Variants in RANBP2 observed in about 807,000 individuals in gnomAD.
The protein encoded by RANBP2 is E3 SUMO-protein ligase RanBP2.
A neutral mutation model predicts 303.6 loss-of-function variants in RANBP2; 57 were observed. That is an observed-to-expected ratio of 0.19 (90% CI 0.15 to 0.23). The LOEUF is 0.23. Ranked by LOEUF, RANBP2 falls within the 10% of genes least tolerant of loss-of-function variation. The probability of loss-of-function intolerance (pLI) is 1.00; values close to 1 mark genes in which losing one functional copy is unlikely to be tolerated. For missense variants in RANBP2, 3,138 were observed against 3,780.8 expected (o/e 0.83, Z 4.46); for synonymous variants, 1,167 against 1,301.5 (o/e 0.90, Z 2.23).
the RANBP2 span, among the ~76,000 whole-genome samples, chr2:109,248,402 A>AT: frequency 2.6e-5 from 4 of 151,924 alleles, no homozygotes; most frequent in Admixed American, 6.6e-5. Context: ...TATCGCTCTC[A>AT]TTTTTTTCCT....
chr2:109,613,782 C>A, the RANBP2 span: 1 of 1,223,370 alleles, frequency 8.2e-7, no homozygotes, highest in Non-Finnish European at 1.0e-6. Flanking sequence ...GGGGCCCCGG[C>A]GTCGGCGGGA....
the RANBP2 span, among the ~76,000 whole-genome samples, chr2:109,580,815 C>T: frequency 6.6e-6 from 1 of 152,244 alleles, no homozygotes; most frequent in East Asian, 1.9e-4. Context: ...ATGAGCCCTA[C>T]CATGTCCCAG....
the RANBP2 span, among the ~76,000 whole-genome samples, chr2:109,344,549 G>T: frequency 9.2e-5 from 14 of 152,200 alleles, no homozygotes; most frequent in Non-Finnish European, 2.9e-5. Flanking sequence ...AAGCTCATAA[G>T]CAGCAGGTGC....
At chr2:108,854,615 G>T in the RANBP2 span, among the ~76,000 whole-genome samples, 2 of 152,104 alleles carry the variant, frequency 1.3e-5, no homozygotes, top group South Asian at 4.1e-4. Context: ...CAGAGACTTA[G>T]TGGCTTAGCT....
chr2:109,570,781 G>C, the RANBP2 span, among the ~76,000 whole-genome samples: 2,842 of 152,212 alleles, frequency 0.019, 101 homozygotes, highest in African/African-American at 0.063. Context: ...CTTGGCCTCT[G>C]AAAGTGCTGG....
intron 1 of RANBP2, among the ~76,000 whole-genome samples, chr2:108,722,784 G>A (rs1418316037): frequency 1.3e-5 from 2 of 151,238 alleles, no homozygotes; most frequent in East Asian, 1.9e-4. Flanking sequence ...CCACCTACTC[G>A]GTAGGCTGAG....
At chr2:108,833,894 AT>A in the RANBP2 span, among the ~76,000 whole-genome samples, 812 of 79,204 alleles carry the variant, frequency 0.01, 16 homozygotes, top group African/African-American at 0.036. Context: ...CGCCCGGCTA[AT>A]TTTTTTTTTT....
the RANBP2 span, among the ~76,000 whole-genome samples, chr2:109,144,129 A>G: frequency 6.6e-6 from 1 of 152,268 alleles, no homozygotes; most frequent in African/African-American, 2.4e-5. Flanking sequence ...ACTGTGCAGC[A>G]TGGTGACCAT....
the RANBP2 span, among the ~76,000 whole-genome samples, chr2:109,031,257 C>T: frequency 6.6e-6 from 1 of 152,224 alleles, no homozygotes; most frequent in South Asian, 2.1e-4. Context: ...GCCTGTTCCT[C>T]ACAGATGGGG....
the RANBP2 span, among the ~76,000 whole-genome samples, chr2:109,276,312 G>A: frequency 6.6e-6 from 1 of 152,164 alleles, no homozygotes; most frequent in Non-Finnish European, 1.5e-5. Context: ...GATGGATATG[G>A]GATTTGTCCT....
chr2:109,460,173 C>A, the RANBP2 span, among the ~76,000 whole-genome samples: 1 of 152,158 alleles, frequency 6.6e-6, no homozygotes, highest in Non-Finnish European at 1.5e-5. Context: ...TGTGGAATAC[C>A]GTGATGGTGG....
the RANBP2 span, among the ~76,000 whole-genome samples, chr2:109,658,195 C>A: frequency 6.6e-6 from 1 of 151,908 alleles, no homozygotes; most frequent in Admixed American, 6.6e-5. Context: ...TGCCTGTAAT[C>A]CCAGCACTTT....
the RANBP2 span, among the ~76,000 whole-genome samples, chr2:108,959,388 C>G: frequency 0.024 from 3,663 of 152,346 alleles, 150 homozygotes; most frequent in African/African-American, 0.083. Context: ...TCCCCAGTGT[C>G]TGTAATGCAG....
At chr2:109,666,155 C>G in the RANBP2 span, among the ~76,000 whole-genome samples, 1 of 151,080 alleles carries the variant, frequency 6.6e-6, no homozygotes, top group South Asian at 2.1e-4. Context: ...AAAATTACTG[C>G]AAAATAAATA....
chr2:109,411,052 C>G, the RANBP2 span, among the ~76,000 whole-genome samples: 1 of 152,198 alleles, frequency 6.6e-6, no homozygotes, highest in African/African-American at 2.4e-5. Flanking sequence ...AAAGCAGCAT[C>G]AGAGAGGTGG....
intron 1 of RANBP2, among the ~76,000 whole-genome samples, chr2:108,725,598 A>G (rs1170849439): frequency 2.6e-5 from 4 of 152,104 alleles, no homozygotes; most frequent in Non-Finnish European, 5.9e-5. Flanking sequence ...CATCTCTACT[A>G]AAAATACAAA....
chr2:109,158,717 A>G, the RANBP2 span, among the ~76,000 whole-genome samples: 2 of 152,252 alleles, frequency 1.3e-5, no homozygotes, highest in African/African-American at 4.8e-5. Context: ...ATGCCACATC[A>G]TGGATGAATG....
the RANBP2 span, among the ~76,000 whole-genome samples, chr2:108,795,851 A>C: frequency 1.3e-5 from 2 of 152,196 alleles, no homozygotes; most frequent in Non-Finnish European, 2.9e-5. Context: ...TGGGTATTTT[A>C]CAAGTTTTTA....
the RANBP2 span, among the ~76,000 whole-genome samples, chr2:109,261,736 G>T: frequency 6.6e-6 from 1 of 152,192 alleles, no homozygotes; most frequent in African/African-American, 2.4e-5. Flanking sequence ...TTGAGAATCA[G>T]TGTAATCGGC....
Sources: gnomAD v4.1 joint callset for allele counts (sites outside exome capture counted in the v4.1 genomes callset) on GRCh38, gnomAD v4.1.1 for gene constraint, MANE v1.5 for transcripts, NCBI Gene and HGNC (gene_info 2026-07-23, HGNC 2026-07-21) for gene names.